The following MATCAP2 variants were observed in gnomAD, a reference collection of about 807,000 sequenced individuals.
MATCAP2 encodes putative tyrosine carboxypeptidase MATCAP2.
chr7:36,356,809 A>G, the MATCAP2 span: 14 of 1,078,956 alleles, frequency 1.3e-5, no homozygotes, highest in East Asian at 7.6e-5. Context: ...AATAATTTGA[A>G]TATTTTTAAA....
the MATCAP2 span, chr7:36,367,330 G>C: frequency 2.0e-6 from 2 of 1,001,608 alleles, no homozygotes; most frequent in South Asian, 4.7e-5. Flanking sequence ...CGGCGAGAGA[G>C]AGTGGGAGGA....
chr7:36,357,645 C>G, the MATCAP2 span: 1 of 1,311,444 alleles, frequency 7.6e-7, no homozygotes, highest in Non-Finnish European at 1.1e-6. Flanking sequence ...CCAGATGAAG[C>G]AAACTGTTTA....
the MATCAP2 span, among the ~76,000 whole-genome samples, chr7:36,377,278 T>C: frequency 6.6e-6 from 1 of 152,246 alleles, no homozygotes; most frequent in Non-Finnish European, 1.5e-5. Flanking sequence ...CTTCAGGAGC[T>C]CTTGTAAGGC....
the MATCAP2 span, among the ~76,000 whole-genome samples, chr7:36,337,069 G>C: frequency 9.9e-6 from 1 of 101,032 alleles, no homozygotes; most frequent in African/African-American, 3.8e-5. Flanking sequence ...TTGCACTCCA[G>C]CCTGGGCAAC....
the MATCAP2 span, among the ~76,000 whole-genome samples, chr7:36,387,814 T>C: frequency 2.0e-5 from 3 of 152,174 alleles, no homozygotes; most frequent in Non-Finnish European, 4.4e-5. Flanking sequence ...CTCATAGAAG[T>C]GATAGCCAGA....
At chr7:36,367,789 C>T in the MATCAP2 span, among the ~76,000 whole-genome samples, 2 of 152,168 alleles carry the variant, frequency 1.3e-5, no homozygotes, top group African/African-American at 4.8e-5. Context: ...GGAGGCGGGC[C>T]ACGGTGGCTC....
chr7:36,386,425 A>ATATGTG, the MATCAP2 span, among the ~76,000 whole-genome samples: 1 of 144,964 alleles, frequency 6.9e-6, no homozygotes, highest in African/African-American at 2.6e-5. Context: ...TATATATGGT[A>ATATGTG]TATGTGTATG....
chr7:36,372,075 C>T, the MATCAP2 span, among the ~76,000 whole-genome samples: 1 of 119,344 alleles, frequency 8.4e-6, no homozygotes, highest in East Asian at 2.7e-4. Flanking sequence ...ATGCTTGCAA[C>T]TGAAAAAAAA....
the MATCAP2 span, chr7:36,355,871 A>C: frequency 2.0e-5 from 3 of 152,246 alleles, no homozygotes; most frequent in Non-Finnish European, 4.4e-5. Context: ...GCAGATAAAC[A>C]TTAGCTAATT....
the MATCAP2 span, among the ~76,000 whole-genome samples, chr7:36,351,899 T>C: frequency 9.4e-5 from 14 of 148,950 alleles, no homozygotes; most frequent in African/African-American, 3.5e-4. Flanking sequence ...TGAGCCATGT[T>C]TGCACCACTG....
chr7:36,353,692 G>C, the MATCAP2 span, among the ~76,000 whole-genome samples: 1 of 152,018 alleles, frequency 6.6e-6, no homozygotes, highest in Non-Finnish European at 1.5e-5. Flanking sequence ...TGTTGGTCAG[G>C]CTAGTCTCGA....
chr7:36,379,847 CAGAG>C, the MATCAP2 span, among the ~76,000 whole-genome samples: 598 of 107,614 alleles, frequency 5.6e-3, 2 homozygotes, highest in African/African-American at 0.015. Context: ...CACACACACA[CAGAG>C]AGAGAGAGAG....
the MATCAP2 span, among the ~76,000 whole-genome samples, chr7:36,361,627 A>G: frequency 6.6e-6 from 1 of 152,242 alleles, no homozygotes; most frequent in Admixed American, 6.5e-5. Flanking sequence ...ACAGTGGCAC[A>G]TGCCTGTAGT....
the MATCAP2 span, among the ~76,000 whole-genome samples, chr7:36,338,102 A>G: frequency 5.3e-5 from 8 of 152,132 alleles, no homozygotes; most frequent in African/African-American, 2.4e-5. Flanking sequence ...CACAAGACTG[A>G]TAAAGAAGGA....
the MATCAP2 span, among the ~76,000 whole-genome samples, chr7:36,331,621 T>A: frequency 2.6e-5 from 4 of 152,192 alleles, no homozygotes; most frequent in Non-Finnish European, 5.9e-5. Flanking sequence ...TTAGTTCCTC[T>A]CTATGTAAAC....
chr7:36,358,040 A>C, the MATCAP2 span, among the ~76,000 whole-genome samples: 1 of 152,092 alleles, frequency 6.6e-6, no homozygotes, highest in Non-Finnish European at 1.5e-5. Context: ...CTACCAAAAA[A>C]TACAAAAATT....
At chr7:36,386,792 G>A in the MATCAP2 span, among the ~76,000 whole-genome samples, 1 of 152,174 alleles carries the variant, frequency 6.6e-6, no homozygotes, top group Non-Finnish European at 1.5e-5. Flanking sequence ...TCCACATATT[G>A]GGGAGGAACT....
chr7:36,331,350 G>C, the MATCAP2 span, among the ~76,000 whole-genome samples: 2 of 152,042 alleles, frequency 1.3e-5, no homozygotes, highest in African/African-American at 4.8e-5. Flanking sequence ...TCACTATAGA[G>C]ACTGGTAATT....
the MATCAP2 span, among the ~76,000 whole-genome samples, chr7:36,338,164 C>T: frequency 6.6e-6 from 1 of 152,078 alleles, no homozygotes; most frequent in Non-Finnish European, 1.5e-5. Flanking sequence ...TTTGAAATGG[C>T]CCTGCAAAGC....
Sources: allele counts gnomAD v4.1 joint callset (sites outside exome capture counted in the v4.1 genomes callset), GRCh38; gene constraint gnomAD v4.1.1; transcripts MANE v1.5; gene names NCBI Gene and HGNC (gene_info 2026-07-23, HGNC 2026-07-21).